Variants in PSD3 observed in about 807,000 individuals in gnomAD.
The protein encoded by PSD3 is PH and SEC7 domain-containing protein 3.
Under a neutral mutation model 105.5 loss-of-function variants are expected in PSD3, and 49 were observed. The observed-to-expected ratio is 0.46, with a 90% CI of 0.37 to 0.59. The LOEUF is 0.59. PSD3 is among the 20% of genes least tolerant of loss of function. PSD3 has a pLI of 0.00. For synonymous variants in PSD3, 557 were observed against 457.8 expected (o/e 1.22, Z -2.77); for missense variants, 1,561 against 1,263.8 (o/e 1.24, Z -3.57).
chr8:19,047,651 T>G (rs1828371363), intron 1 of PSD3, among the ~76,000 whole-genome samples: 1 of 152,190 alleles, frequency 6.6e-6, no homozygotes, highest in African/African-American at 2.4e-5. Flanking sequence ...TCTCTGTTAA[T>G]TGCTGTTCTG....
chr8:19,036,949 C>T (rs575726853), intron 1 of PSD3, among the ~76,000 whole-genome samples: 1 of 152,248 alleles, frequency 6.6e-6, no homozygotes, highest in African/African-American at 2.4e-5. Context: ...TTGCAACTCC[C>T]CAGGATTGAC....
chr8:18,620,344 T>TTTTG (rs1031132414), intron 11 of PSD3, among the ~76,000 whole-genome samples: 1 of 134,184 alleles, frequency 7.5e-6, no homozygotes, highest in African/African-American at 2.9e-5. Flanking sequence ...GGGTTTGTGT[T>TTTTG]TTTTTTTTTT....
At chr8:19,059,186 A>G (rs1420792269) in intron 1 of PSD3, among the ~76,000 whole-genome samples, 2 of 152,198 alleles carry the variant, frequency 1.3e-5, no homozygotes, top group East Asian at 1.9e-4. Flanking sequence ...TCATCCAAAT[A>G]ACACCCAGTT....
chr8:18,803,735 G>A (rs1028202199), intron 6 of PSD3, among the ~76,000 whole-genome samples: 1 of 151,978 alleles, frequency 6.6e-6, no homozygotes. Flanking sequence ...AAATCATCGA[G>A]AAGAGAAGTA....
intron 1 of PSD3, among the ~76,000 whole-genome samples, chr8:18,944,792 G>T (rs1222097736): frequency 6.6e-6 from 1 of 151,978 alleles, no homozygotes; most frequent in Non-Finnish European, 1.5e-5. Flanking sequence ...TGCTCAAATT[G>T]CCCAGTTGGG....
chr8:18,615,881 T>G (rs1407206547), intron 11 of PSD3, among the ~76,000 whole-genome samples: 1 of 152,210 alleles, frequency 6.6e-6, no homozygotes, highest in African/African-American at 2.4e-5. Flanking sequence ...GCAATTCAAA[T>G]AAGCTATTGT....
rs1339745869 is a variant in PSD3, at chr8:18,964,430, A to C, written c.22-28288T>G. ...TGAGCTACATTGCCTGGCCATTAAT[A>C]ACTCTTGTTACACAAAACTAATAAC... On this transcript the variant is annotated intron_variant, in intron 1 of 15. Coordinates refer to ENST00000327040, the MANE Select transcript of PSD3 (RefSeq NM_015310.4). Among the ~76,000 whole-genome samples, 5 of 151,930 alleles carry C rather than the reference A, an allele frequency of 3.3e-5. 1 individual carries two copies. Among genetic ancestry groups the C allele is most frequent in the Non-Finnish European group, 1.5e-5 (1 of 67,972 alleles).
intron 8 of PSD3, among the ~76,000 whole-genome samples, chr8:18,765,937 C>A (rs1806953072): frequency 6.8e-6 from 1 of 148,070 alleles, no homozygotes; most frequent in African/African-American, 2.5e-5. Context: ...CACTGCACTC[C>A]AGCGTGGGTG....
intron 4 of PSD3, among the ~76,000 whole-genome samples, chr8:18,843,527 C>T (rs963130472): frequency 2.6e-5 from 4 of 152,096 alleles, no homozygotes; most frequent in East Asian, 1.9e-4. Context: ...TACTTCAGAG[C>T]ACTCTGTATT....
At chr8:19,071,388 T>C (rs1359546262) in intron 1 of PSD3, among the ~76,000 whole-genome samples, 1 of 152,128 alleles carries the variant, frequency 6.6e-6, no homozygotes, top group Non-Finnish European at 1.5e-5. Context: ...ATCATATACG[T>C]TTATGGGGTA....
At chr8:18,576,898 T>C (rs1802494031) in intron 12 of PSD3, among the ~76,000 whole-genome samples, 1 of 152,064 alleles carries the variant, frequency 6.6e-6, no homozygotes, top group Non-Finnish European at 1.5e-5. Context: ...ACTTTTTTTT[T>C]TTTTATATTC....
chr8:18,613,851 C>G (rs142750631), intron 11 of PSD3, among the ~76,000 whole-genome samples: 5 of 152,294 alleles, frequency 3.3e-5, no homozygotes, highest in African/African-American at 9.6e-5. Context: ...TGAAAAACAG[C>G]TGAATTTCAC....
intron 4 of PSD3, among the ~76,000 whole-genome samples, chr8:18,817,787 T>C (rs1404930254): frequency 6.6e-6 from 1 of 152,236 alleles, no homozygotes; most frequent in African/African-American, 2.4e-5. Context: ...GATCTTTTAA[T>C]GCTTATCCCT....
At chr8:18,538,360 T>C (rs1240468242) in intron 15 of PSD3, among the ~76,000 whole-genome samples, 5 of 152,194 alleles carry the variant, frequency 3.3e-5, no homozygotes, top group African/African-American at 1.2e-4. Flanking sequence ...GTCATCAGTA[T>C]CACCCATCAG....
chr8:18,934,481 G>C, intron 2 of PSD3, among the ~76,000 whole-genome samples: 1 of 152,088 alleles, frequency 6.6e-6, no homozygotes, highest in Non-Finnish European at 1.5e-5. Flanking sequence ...CGTGATCTCG[G>C]CTCACTGCAA....
chr8:18,783,924 G>A (rs929915217), intron 8 of PSD3, among the ~76,000 whole-genome samples: 3 of 152,152 alleles, frequency 2.0e-5, no homozygotes, highest in Non-Finnish European at 4.4e-5. Flanking sequence ...ACTGCAACCG[G>A]CCAACATATT....
intron 1 of PSD3, among the ~76,000 whole-genome samples, chr8:19,074,722 G>T (rs1334061548): frequency 2.1e-5 from 3 of 142,856 alleles, no homozygotes; most frequent in Non-Finnish European, 4.5e-5. Flanking sequence ...CCGGGTTCAC[G>T]CCATTCTCCT....
intron 8 of PSD3, among the ~76,000 whole-genome samples, chr8:18,778,140 T>C (rs967200783): frequency 1.3e-5 from 2 of 152,194 alleles, no homozygotes; most frequent in African/African-American, 2.4e-5. Context: ...TTTCCTTCCA[T>C]TTGGATAAAA....
chr8:18,623,726 G>C (rs538970689), intron 11 of PSD3, among the ~76,000 whole-genome samples: 1 of 151,342 alleles, frequency 6.6e-6, no homozygotes, highest in African/African-American at 2.4e-5. Flanking sequence ...ATGTACTACC[G>C]CCAAATGTAA....
Sources: gnomAD v4.1 joint callset for allele counts (sites outside exome capture counted in the v4.1 genomes callset) on GRCh38, gnomAD v4.1.1 for gene constraint, MANE v1.5 for transcripts, NCBI Gene and HGNC (gene_info 2026-07-23, HGNC 2026-07-21) for gene names.